CADM2: variants seen among roughly 807,000 people sequenced by gnomAD.
CADM2 encodes immunoglobulin superfamily member 4D.
CADM2 carries 12 observed loss-of-function variants against 49.8 expected under a neutral mutation model. That is an observed-to-expected ratio of 0.24 (90% confidence interval 0.15 to 0.39). CADM2 has a LOEUF of 0.39. CADM2 is among the 10% of genes least tolerant of loss of function. The probability of loss-of-function intolerance (pLI) is 1.00; values close to 1 mark genes in which losing one functional copy is unlikely to be tolerated. For synonymous variants in CADM2, 214 were observed against 175.4 expected (o/e 1.22, Z -1.74); for missense variants, 378 against 492.3 (o/e 0.77, Z 2.20).
chr3:85,038,210 G>A (rs772903582), intron 1 of CADM2, among the ~76,000 whole-genome samples: 29 of 152,142 alleles, frequency 1.9e-4, no homozygotes, highest in Non-Finnish European at 3.4e-4. Flanking sequence ...AAAGAGCAGC[G>A]TATGATCATC....
chr3:85,408,370 A>T (rs2035498278), intron 1 of CADM2, among the ~76,000 whole-genome samples: 1 of 152,212 alleles, frequency 6.6e-6, no homozygotes, highest in African/African-American at 2.4e-5. Flanking sequence ...GGTAGGTAAT[A>T]ATTGACGATG....
intron 1 of CADM2, among the ~76,000 whole-genome samples, chr3:85,670,890 C>A (rs1353624170): frequency 6.6e-6 from 1 of 152,140 alleles, no homozygotes; most frequent in African/African-American, 2.4e-5. Flanking sequence ...TCCTGCCTTT[C>A]CCAAGTTTAA....
At chr3:85,305,142 A>T (rs2044183924) in intron 1 of CADM2, among the ~76,000 whole-genome samples, 1 of 151,546 alleles carries the variant, frequency 6.6e-6, no homozygotes, top group Non-Finnish European at 1.5e-5. Context: ...ATAAAAAATG[A>T]ATTTTTTATA....
At position 85,163,460 on chromosome 3, in the gene CADM2, A is replaced by G. The variant is rs181271512; in HGVS notation, c.61+203792A>G. 4.6e-5 allele frequency among the ~76,000 whole-genome samples: 7 copies of G among 152,048 alleles called. No homozygotes were observed. In the East Asian group the frequency reaches 1.4e-3, roughly 30 times the overall value. On this transcript the variant is annotated intron_variant, in intron 1 of 9. Transcript: ENST00000383699. ...TATATCTCAGCCATAATAACGAAAA[A>G]TTGGTATATCAGAAGCCATTAGGCT...
chr3:85,880,453 T>G (rs113423160), intron 3 of CADM2, among the ~76,000 whole-genome samples: 1 of 152,156 alleles, frequency 6.6e-6, no homozygotes, highest in Non-Finnish European at 1.5e-5. Flanking sequence ...AATTCTTTTA[T>G]GTTTGAAAAA....
chr3:85,014,452 GA>G (rs1280271248), intron 1 of CADM2, among the ~76,000 whole-genome samples: 3 of 151,908 alleles, frequency 2.0e-5, no homozygotes, highest in African/African-American at 7.3e-5. Context: ...GTGTGCATAG[GA>G]AAAAAACATA....
chr3:85,710,649 A>C (rs2067091237), intron 1 of CADM2, among the ~76,000 whole-genome samples: 1 of 152,176 alleles, frequency 6.6e-6, no homozygotes, highest in African/African-American at 2.4e-5. Context: ...CTTCCTGTTT[A>C]GGAGCCTTCT....
rs115420730 is a variant in CADM2 at position 85,777,523 on chromosome 3, G to C, written c.89-24524G>C. Among the ~76,000 whole-genome samples, 62 of 152,074 alleles carry C rather than the reference G, an allele frequency of 4.1e-4. 1 individual carries two copies. The highest frequency in any genetic ancestry group is 1.2e-3 in the African/African-American group (51 of 41,410). ...GCCCGCCTTGGGCTCCCAAAGTGCT[G>C]GGATTAAAGCATGAGCCACTGCACC... On this transcript the variant is annotated intron_variant, in intron 2 of 9. Coordinates refer to ENST00000383699, the MANE Select transcript of CADM2 (RefSeq NM_001167675.2).
At chr3:85,188,988 G>A (rs534450286) in intron 1 of CADM2, among the ~76,000 whole-genome samples, 3 of 151,584 alleles carry the variant, frequency 2.0e-5, no homozygotes, top group African/African-American at 4.8e-5. Context: ...CCGAGATTGC[G>A]CCACTGAACT....
At chr3:85,549,789 A>ATTTTTTTT (rs71617942) in intron 1 of CADM2, among the ~76,000 whole-genome samples, 14 of 134,842 alleles carry the variant, frequency 1.0e-4, no homozygotes, top group South Asian at 2.4e-4. Context: ...ATGCTGGGCT[A>ATTTTTTTT]TTTTTTTTTT....
At chr3:86,014,979 C>A in intron 8 of CADM2, 1 of 1,257,762 alleles carries the variant, frequency 8.0e-7, no homozygotes, top group Non-Finnish European at 1.2e-6. Flanking sequence ...TTTGACAGAC[C>A]AAAGTTCGAG....
At chr3:85,353,372 T>G (rs1205889301) in intron 1 of CADM2, among the ~76,000 whole-genome samples, 1 of 152,144 alleles carries the variant, frequency 6.6e-6, no homozygotes, top group Non-Finnish European at 1.5e-5. Context: ...ATTTTCATGT[T>G]TACCTTTGCT....
intron 1 of CADM2, among the ~76,000 whole-genome samples, chr3:85,096,640 A>T (rs1339321992): frequency 6.6e-6 from 1 of 151,674 alleles, no homozygotes; most frequent in Non-Finnish European, 1.5e-5. Flanking sequence ...AATTGTATAC[A>T]CTCATTACAC....
chr3:85,331,204 A>G (rs1019748329), intron 1 of CADM2, among the ~76,000 whole-genome samples: 2 of 151,996 alleles, frequency 1.3e-5, no homozygotes, highest in African/African-American at 4.8e-5. Context: ...CTACTGTGCT[A>G]TCAAACACTA....
chr3:85,433,796 T>C (rs964180357), intron 1 of CADM2, among the ~76,000 whole-genome samples: 7 of 152,156 alleles, frequency 4.6e-5, no homozygotes, highest in South Asian at 2.1e-4. Context: ...TTGCATTATT[T>C]TGATGAATCA....
chr3:85,786,467 A>G (rs1394255553), intron 2 of CADM2, among the ~76,000 whole-genome samples: 1 of 152,068 alleles, frequency 6.6e-6, no homozygotes. Flanking sequence ...AAGCATGCAA[A>G]CATGGACAAG....
At chr3:85,443,086 T>C (rs191667320) in intron 1 of CADM2, among the ~76,000 whole-genome samples, 2 of 152,124 alleles carry the variant, frequency 1.3e-5, no homozygotes, top group Non-Finnish European at 2.9e-5. Flanking sequence ...TACACTTAAT[T>C]GTTTCACAAG....
chr3:85,008,579 GGAAC>G (rs2033849174), intron 1 of CADM2, among the ~76,000 whole-genome samples: 1 of 151,850 alleles, frequency 6.6e-6, no homozygotes, highest in Admixed American at 6.6e-5. Flanking sequence ...TAGGGAAGTA[GGAAC>G]GGAGAAGAGA....
chr3:85,574,690 A>T (rs1054594372), intron 1 of CADM2, among the ~76,000 whole-genome samples: 9 of 152,198 alleles, frequency 5.9e-5, no homozygotes, highest in Non-Finnish European at 1.2e-4. Context: ...TACAATAGAA[A>T]ATATATACCC....
Sources: allele counts gnomAD v4.1 joint callset (sites outside exome capture counted in the v4.1 genomes callset), GRCh38; gene constraint gnomAD v4.1.1; transcripts MANE v1.5; gene names NCBI Gene and HGNC (gene_info 2026-07-23, HGNC 2026-07-21).